The following ZSCAN9 variants were observed in gnomAD, a reference collection of about 807,000 sequenced individuals.
ZSCAN9 encodes zinc finger and SCAN domain-containing protein 9.
Under a neutral mutation model 23.0 loss-of-function variants are expected in ZSCAN9, and 19 were observed. The observed-to-expected ratio is 0.83, with a 90% confidence interval of 0.58 to 1.21. The LOEUF (loss-of-function observed/expected upper bound fraction) is 1.21. Among genes scored for constraint, ZSCAN9 ranks in the 50% most tolerant of loss-of-function variants. ZSCAN9 has a pLI of 0.00. For missense variants in ZSCAN9, 467 were observed against 471.5 expected (o/e 0.99, Z 0.09); for synonymous variants, 155 against 164.8 (o/e 0.94, Z 0.46).
At chr6:28,228,055 A>T in intron 3 of ZSCAN9, 1 of 707,384 alleles carries the variant, frequency 1.4e-6, no homozygotes, top group Non-Finnish European at 2.6e-6. Context: ...TGGACTTCTG[A>T]TGCATGGTAC....
At chr6:28,230,156 C>G (rs1760257722) in intron 3 of ZSCAN9, among the ~76,000 whole-genome samples, 1 of 152,080 alleles carries the variant, frequency 6.6e-6, no homozygotes, top group Non-Finnish European at 1.5e-5. Flanking sequence ...AGCGCCTGGC[C>G]CATATTTTTC....
chr6:28,230,071 A>T (rs573508094), intron 3 of ZSCAN9, among the ~76,000 whole-genome samples: 1 of 152,114 alleles, frequency 6.6e-6, no homozygotes, highest in African/African-American at 2.4e-5. Flanking sequence ...GTTAGCCAGG[A>T]TGGTCTCGAT....
intron 3 of ZSCAN9, chr6:28,228,063 T>G (rs1561846218): frequency 2.9e-6 from 2 of 697,842 alleles, no homozygotes; most frequent in Non-Finnish European, 5.2e-6. Flanking sequence ...TGATGCATGG[T>G]ACATGAGGAA....
Position 28,230,104 on chromosome 6 carries a change from G to A in ZSCAN9, c.568+2267G>A, listed in dbSNP as rs550719297. 3.3e-5 allele frequency among the ~76,000 whole-genome samples: 5 copies of A among 152,256 alleles called. No homozygotes were observed. The South Asian group carries it at 8.3e-4, about 25-fold the overall frequency. Reference sequence around the variant, plus strand: ...GATCTCCTGACCTCGTGATTCGCCCGCCTCGGCCTCCCGAAGTGCTGGGAT... The same window carrying A: ...GATCTCCTGACCTCGTGATTCGCCCACCTCGGCCTCCCGAAGTGCTGGGAT... On this transcript the variant is annotated intron_variant, in intron 3 of 3. Transcript: ENST00000252207.
At chr6:28,232,418 C>A in intron 3 of ZSCAN9, 144 bp from the exon 4 acceptor site, 1 of 1,393,548 alleles carries the variant, frequency 7.2e-7, no homozygotes, top group Non-Finnish European at 9.5e-7. Flanking sequence ...AAACGTTCCT[C>A]CCTACGTAGG....
Position 28,233,091 on chromosome 6 carries a change from C to T in ZSCAN9, c.1098C>T (p.His366=). The T allele has an allele frequency of 6.2e-7, 1 of 1,614,096 alleles. No individual in the cohort carries two copies. Among genetic ancestry groups the T allele is most frequent in the Non-Finnish European group, 8.5e-7 (1 of 1,180,020 alleles). ...GAAGCCACACAGGGGAGCGACCTCA[C>T]CAGTGCATTGAATGTGGGAAAAGCT... The part of the protein sequence containing the change: ...HQRSHTGERP[H]QCIECGKSFN... The change falls in exon 4 of 4, where the codon CAC becomes CAT. Residue 366 remains histidine, a synonymous_variant. Coordinates refer to ENST00000252207, the MANE Select transcript of ZSCAN9 (RefSeq NM_006299.5).
chr6:28,229,551 A>G (rs779234751), intron 3 of ZSCAN9, among the ~76,000 whole-genome samples: 2 of 152,212 alleles, frequency 1.3e-5, no homozygotes, highest in Non-Finnish European at 2.9e-5. Context: ...CAGCGCAGGT[A>G]TGTGTTACAA....
rs1408546752 is a variant in ZSCAN9 at position 28,225,323 on chromosome 6, C to G, written c.-117C>G. The G allele has an allele frequency of 1.3e-5, 2 of 152,180 alleles. No individual in the cohort carries two copies. The highest frequency in any genetic ancestry group is 4.8e-5 in the African/African-American group (2 of 41,422). The allele number at this position is 152,180 out of a possible 1,614,324, so 9.4% of individuals were successfully genotyped here. On this transcript the variant is annotated 5_prime_UTR_variant, in exon 1 of 4. Transcript: ENST00000252207. ...TGTTCGTGCCGCGCTTCTAGCAACG[C>G]CGGGCCGGTAACCCCCTCTCCCTCC...
intron 1 of ZSCAN9, among the ~76,000 whole-genome samples, chr6:28,226,364 A>C (rs1271705738): frequency 2.0e-5 from 3 of 152,250 alleles, no homozygotes; most frequent in Non-Finnish European, 4.4e-5. Flanking sequence ...AACTGAAGTA[A>C]ATAGTAAAGT....
chr6:28,232,371 A>G (rs1346355260), intron 3 of ZSCAN9, among the ~76,000 whole-genome samples, 191 bp from the exon 4 acceptor site: 1 of 152,176 alleles, frequency 6.6e-6, no homozygotes, highest in Non-Finnish European at 1.5e-5. Context: ...CCAAGTCTAC[A>G]TGGGGATGGA....
intron 1 of ZSCAN9, among the ~76,000 whole-genome samples, chr6:28,225,768 G>A (rs1343560231): frequency 6.6e-6 from 1 of 152,220 alleles, no homozygotes; most frequent in Non-Finnish European, 1.5e-5. Context: ...AGCGCAGAAT[G>A]TAGCAGTTCC....
In ZSCAN9 at chr6:28,233,003, C is replaced by T. The variant is rs564537024; in HGVS notation, c.1010C>T (p.Pro337Leu). ...CAGAGAATCCACAAAGGAGAAAAGC[C>T]GTATCAGTGCAGCCAGTGCAGTAAG... ...QHQRIHKGEK[P>L]YQCSQCSKSY... Residue 337 changes from proline (P) to leucine (L), a missense_variant, in exon 4 of 4, where the codon CCG becomes CTG. Pro to Leu is a moderately conservative substitution (Grantham distance 98). Coordinates refer to ENST00000252207, the MANE Select transcript of ZSCAN9 (RefSeq NM_006299.5). The T allele has an allele frequency of 1.4e-4, 228 of 1,614,096 alleles. 1 individual carries two copies. The South Asian group carries it at 2.3e-3, about 16-fold the overall frequency.
chr6:28,227,151 C>A lies in ZSCAN9; in HGVS notation c.67C>A (p.Leu23Met), dbSNP rs759808941. The part of the protein sequence containing the change: ...VQVPEAWEEL[L>M]TMKVEAKSHL... ...AGTTCCCGAGGCATGGGAAGAACTTCTGACAATGAAAGTGGAAGCAAAAAG... is the reference window on the plus strand; with the variant it reads ...AGTTCCCGAGGCATGGGAAGAACTTATGACAATGAAAGTGGAAGCAAAAAG... The change falls in exon 2 of 4, where the codon CTG becomes ATG. Residue 23 changes from leucine (L) to methionine (M), a missense_variant. Leu to Met is a conservative substitution (Grantham distance 15). Transcript: ENST00000252207. 216 of 1,614,108 alleles carry A rather than the reference C, an allele frequency of 1.3e-4. No homozygotes were observed. The highest frequency in any genetic ancestry group is 1.8e-4 in the Non-Finnish European group (212 of 1,180,054).
At chr6:28,227,933 A>C (rs1203682179) in intron 3 of ZSCAN9, 96 bp downstream of exon 3, 2 of 1,383,958 alleles carry the variant, frequency 1.4e-6, no homozygotes, top group African/African-American at 1.4e-5. Flanking sequence ...AGACCCAAAG[A>C]CTCCTTACCA....
At position 28,225,324 on chromosome 6, in the gene ZSCAN9, C is replaced by A. The variant is rs34243448; in HGVS notation, c.-116C>A. The A allele has an allele frequency of 0.051, 7,691 of 152,184 alleles. 304 individuals carry two copies. The highest frequency in any genetic ancestry group is 0.087 in the Non-Finnish European group (5,897 of 68,024). The allele number at this position is 152,184 out of a possible 1,614,324, so 9.4% of individuals were successfully genotyped here. On this transcript the variant is annotated 5_prime_UTR_variant, in exon 1 of 4. Transcript: ENST00000252207. The stretch of plus-strand genomic sequence containing the variant: ...GTTCGTGCCGCGCTTCTAGCAACGC[C>A]GGGCCGGTAACCCCCTCTCCCTCCT...
intron 3 of ZSCAN9, chr6:28,230,264 T>C: frequency 7.5e-7 from 1 of 1,338,346 alleles, no homozygotes; most frequent in Non-Finnish European, 9.9e-7. Flanking sequence ...GAAAGTTGTA[T>C]AAATGGTAAT....
intron 3 of ZSCAN9, chr6:28,230,481 C>T: frequency 6.5e-7 from 1 of 1,535,640 alleles, no homozygotes; most frequent in Non-Finnish European, 8.7e-7. Flanking sequence ...ACAGAGGAGT[C>T]CTAAGAGGTA....
chr6:28,227,131 C>T lies in ZSCAN9; in HGVS notation c.47C>T (p.Pro16Leu). The change falls in exon 2 of 4, where the codon CCC becomes CTC. Residue 16 changes from proline to leucine, a missense_variant. Transcript: ENST00000252207. ...KEVLSLGVQV[P>L]EAWEELLTMK... is the part of the protein sequence containing the mutation. ...GTTTTATCCCTGGGTGTTCAAGTTC[C>T]CGAGGCATGGGAAGAACTTCTGACA... 1.2e-6 allele frequency: 2 copies of T among 1,614,180 alleles called. No homozygotes were observed. Among genetic ancestry groups the T allele is most frequent in the Middle Eastern group, 1.6e-4 (1 of 6,062 alleles).
rs1760348786 is a variant in ZSCAN9, at chr6:28,232,678, C to G, written c.685C>G (p.Pro229Ala). The change falls in exon 4 of 4, where the codon CCC (proline) becomes GCC (alanine). Residue 229 changes from proline (P) to alanine (A), a missense_variant. By Grantham distance (27) the Pro-to-Ala change is conservative. Transcript: ENST00000252207. Reference sequence around the variant, plus strand: ...GACCTGGGAGGTATCACAGCAGGATCCCTCACATGGAGAAGTTGGTGAACA... The same window carrying G: ...GACCTGGGAGGTATCACAGCAGGATGCCTCACATGGAGAAGTTGGTGAACA... ...EQTWEVSQQDPSHGEVGEHKD... is the reference protein window; with the variant it reads ...EQTWEVSQQDASHGEVGEHKD... The G allele has an allele frequency of 6.2e-7, 1 of 1,613,992 alleles. No individual in the cohort carries two copies. Among genetic ancestry groups the G allele is most frequent in the Admixed American group, 1.7e-5 (1 of 60,000 alleles).
Sources: gnomAD v4.1 joint callset for allele counts (sites outside exome capture counted in the v4.1 genomes callset) on GRCh38, gnomAD v4.1.1 for gene constraint, MANE v1.5 for transcripts, NCBI Gene and HGNC (gene_info 2026-07-23, HGNC 2026-07-21) for gene names.